Variants in RIMS2 observed in about 807,000 individuals in gnomAD.
RIMS2 encodes the protein regulating synaptic membrane exocytosis 2, also known as regulating synaptic membrane exocytosis protein 2.
In RIMS2, 59 loss-of-function variants were observed where a neutral mutation model predicts 174.4. That is an observed-to-expected ratio of 0.34 (90% CI 0.27 to 0.42). The LOEUF (loss-of-function observed/expected upper bound fraction) is 0.42. RIMS2 is among the 10% of genes least tolerant of loss of function. RIMS2 has a pLI of 1.00. For synonymous variants in RIMS2, 606 were observed against 572.5 expected, an observed-to-expected ratio of 1.06 and a Z score of -0.84; for missense variants, 1,620 against 1,666.3, an observed-to-expected ratio of 0.97 and a Z score of 0.48.
At chr8:103,693,421 G>A (rs1274237502) in intron 1 of RIMS2, among the ~76,000 whole-genome samples, 1 of 152,148 alleles carries the variant, frequency 6.6e-6, no homozygotes. Context: ...TGGTGTTCCT[G>A]TGAGGAGGAT....
chr8:103,985,330 C>T (rs2094261736), intron 16 of RIMS2, among the ~76,000 whole-genome samples: 7 of 151,348 alleles, frequency 4.6e-5, no homozygotes, highest in Admixed American at 2.0e-4. Context: ...AAAAATTAGC[C>T]GAGCATGGTG....
intron 1 of RIMS2, among the ~76,000 whole-genome samples, chr8:103,520,078 T>A (rs796205147): frequency 6.6e-6 from 1 of 152,118 alleles, no homozygotes; most frequent in Non-Finnish European, 1.5e-5. Context: ...CATATCCTAG[T>A]TTCCCAGTTA....
chr8:104,147,983 T>C (rs985617157), intron 19 of RIMS2, among the ~76,000 whole-genome samples: 1 of 152,226 alleles, frequency 6.6e-6, no homozygotes, highest in African/African-American at 2.4e-5. Context: ...AGAAAATCTT[T>C]CTTTTCTTTA....
chr8:104,230,644 T>C (rs2099222113), intron 19 of RIMS2, among the ~76,000 whole-genome samples: 1 of 152,048 alleles, frequency 6.6e-6, no homozygotes, highest in Non-Finnish European at 1.5e-5. Context: ...AGACTCTGTC[T>C]CAAAAAAATA....
At chr8:103,556,572 G>T (rs1850560404) in intron 1 of RIMS2, among the ~76,000 whole-genome samples, 1 of 152,088 alleles carries the variant, frequency 6.6e-6, no homozygotes, top group Admixed American at 6.5e-5. Flanking sequence ...TAAGTCTTTT[G>T]AATTTATACC....
chr8:104,157,235 T>G (rs901400058), intron 19 of RIMS2, among the ~76,000 whole-genome samples: 1 of 152,210 alleles, frequency 6.6e-6, no homozygotes, highest in Non-Finnish European at 1.5e-5. Flanking sequence ...TATCATAAAT[T>G]GTGTTAAGGT....
intron 2 of RIMS2, among the ~76,000 whole-genome samples, chr8:103,752,269 A>G (rs146388039): frequency 0.23 from 34,730 of 151,592 alleles, 4,255 homozygotes; most frequent in Non-Finnish European, 0.25. Context: ...GTAGATATGC[A>G]GCGTTATTTC....
At position 103,598,244 on chromosome 8, in the gene RIMS2, G is replaced by A. The variant is rs375908965; in HGVS notation, c.176+97182G>A. Among the ~76,000 whole-genome samples, 12 of 152,260 alleles carry A rather than the reference G, an allele frequency of 7.9e-5. No individual in the cohort carries two copies. In the East Asian group the frequency reaches 9.6e-4, roughly 12 times the overall value. ...CCAGAATAACATTACTGTCTCTGAG[G>A]TGCTTAGGTCAACTTAATTTAGTAA... On this transcript the variant is annotated intron_variant, in intron 1 of 23. Transcript: ENST00000504942.
intron 19 of RIMS2, among the ~76,000 whole-genome samples, chr8:104,105,504 T>C (rs906559878): frequency 6.6e-6 from 1 of 152,174 alleles, no homozygotes; most frequent in Non-Finnish European, 1.5e-5. Context: ...TTCTACTAAC[T>C]GATATTATTT....
chr8:103,639,069 A>T (rs2096162398), intron 1 of RIMS2, among the ~76,000 whole-genome samples: 1 of 152,008 alleles, frequency 6.6e-6, no homozygotes, highest in Admixed American at 6.6e-5. Context: ...CCCAGTATAA[A>T]TGTAGAATAG....
chr8:104,104,495 G>T (rs1183043045), intron 19 of RIMS2, among the ~76,000 whole-genome samples: 1 of 152,136 alleles, frequency 6.6e-6, no homozygotes, highest in Non-Finnish European at 1.5e-5. Flanking sequence ...TAAATAAGAA[G>T]GAAGACAAGT....
At chr8:104,008,510 T>C (rs925253501) in intron 17 of RIMS2, among the ~76,000 whole-genome samples, 8 of 151,352 alleles carry the variant, frequency 5.3e-5, no homozygotes, top group Non-Finnish European at 1.0e-4. Context: ...TGTGTGTGTG[T>C]TTAATAATAC....
intron 16 of RIMS2, among the ~76,000 whole-genome samples, chr8:103,978,793 C>G (rs1273762472): frequency 2.6e-5 from 4 of 152,188 alleles, no homozygotes; most frequent in Non-Finnish European, 5.9e-5. Context: ...TCAGACCCCC[C>G]CAAAAAAATT....
intron 19 of RIMS2, among the ~76,000 whole-genome samples, chr8:104,060,151 G>C (rs1045482351): frequency 6.6e-6 from 1 of 151,824 alleles, no homozygotes; most frequent in Non-Finnish European, 1.5e-5. Flanking sequence ...AATGGTATCA[G>C]TTCCTCCTTG....
intron 19 of RIMS2, among the ~76,000 whole-genome samples, chr8:104,208,864 A>G (rs7845304): frequency 0.014 from 2,182 of 152,326 alleles, 61 homozygotes; most frequent in African/African-American, 0.05. Flanking sequence ...TGGACCCGAA[A>G]TTCCATGAAC....
At chr8:104,108,255 C>T (rs1207113351) in intron 19 of RIMS2, among the ~76,000 whole-genome samples, 2 of 151,902 alleles carry the variant, frequency 1.3e-5, no homozygotes, top group African/African-American at 2.4e-5. Flanking sequence ...ATTTAAGAGA[C>T]AAGGGTCTTG....
chr8:103,623,578 G>C (rs1475961330), intron 1 of RIMS2, among the ~76,000 whole-genome samples: 1 of 130,596 alleles, frequency 7.7e-6, no homozygotes, highest in Non-Finnish European at 1.5e-5. Flanking sequence ...TCCGCCTCCC[G>C]GGTTCACGCC....
chr8:103,886,339 C>A, intron 4 of RIMS2, 116 bp downstream of exon 7: 2 of 831,092 alleles, frequency 2.4e-6, no homozygotes, highest in Non-Finnish European at 3.6e-6. Context: ...TTTTAAAAGT[C>A]TTTTAATGGC....
chr8:104,241,918 C>T (rs1034974792), intron 19 of RIMS2, among the ~76,000 whole-genome samples: 1 of 152,018 alleles, frequency 6.6e-6, no homozygotes, highest in Non-Finnish European at 1.5e-5. Context: ...GGCCACCACG[C>T]CCAGCTAATT....
Sources: allele counts gnomAD v4.1 joint callset (sites outside exome capture counted in the v4.1 genomes callset), GRCh38; gene constraint gnomAD v4.1.1; transcripts MANE v1.5; gene names NCBI Gene and HGNC (gene_info 2026-07-23, HGNC 2026-07-21).